The following ABR variants were observed in gnomAD, a reference collection of about 807,000 sequenced individuals.
The protein encoded by ABR is active breakpoint cluster region-related protein.
A neutral mutation model predicts 107.2 loss-of-function variants in ABR; 35 were observed. The ratio of observed to expected loss-of-function variants is 0.33; its 90% CI spans 0.25 to 0.43. ABR has a LOEUF of 0.43. Among genes scored for constraint, ABR ranks in the 20% least tolerant of loss-of-function variants. ABR has a pLI of 1.00. For synonymous variants in ABR, 498 were observed against 462.0 expected, an observed-to-expected ratio of 1.08 and a Z score of -1.00; for missense variants, 815 against 1,115.2, an observed-to-expected ratio of 0.73 and a Z score of 3.83.
rs567309438 is a variant in ABR at position 1,008,524 on chromosome 17, T to A, written c.2342+1155A>T. On this transcript the variant is annotated intron_variant, in intron 21 of 22. Coordinates refer to ENST00000302538, the MANE Select transcript of ABR (RefSeq NM_021962.5). ...TTCCCAGGGTGGAAGCCGAATGAAT[T>A]TTCCCTTCCCACTCCTCCCCACAAG... Among the ~76,000 whole-genome samples, 3 of 152,332 alleles carry A rather than the reference T, an allele frequency of 2.0e-5. No homozygotes were observed. In the East Asian group the frequency reaches 5.8e-4, roughly 29 times the overall value.
At chr17:1,019,190 C>A (rs1361908398) in intron 16 of ABR, among the ~76,000 whole-genome samples, 1 of 152,206 alleles carries the variant, frequency 6.6e-6, no homozygotes, top group Non-Finnish European at 1.5e-5. Flanking sequence ...GCACATCTGA[C>A]CCAGGACTGC....
At chr17:1,021,582 G>A (rs1157991316) in intron 16 of ABR, among the ~76,000 whole-genome samples, 1 of 152,138 alleles carries the variant, frequency 6.6e-6, no homozygotes, top group Non-Finnish European at 1.5e-5. Flanking sequence ...GAGGCGGGCG[G>A]ATCACAAGGT....
rs1378493325 is a variant in ABR, at chr17:1,076,716, G to GA, written c.700+2613_700+2614insT. Among the ~76,000 whole-genome samples, 47 of 99,602 alleles carry GA rather than the reference G, an allele frequency of 4.7e-4. 2 individuals carry two copies. Among genetic ancestry groups the GA allele is most frequent in the African/African-American group, 1.8e-3 (39 of 21,724 alleles). 65.3% of individuals were successfully genotyped at this position (99,602 alleles called of 152,430 possible). ...GGGCGGCCAGGAGGGCAGGTGCACG[G>GA]GGGGGGTGGGGGTGGGGGGGGTGGC... On this transcript the variant is annotated intron_variant, in intron 6 of 22. Coordinates refer to ENST00000302538, the MANE Select transcript of ABR (RefSeq NM_021962.5).
At position 1,196,301 on chromosome 17, in the gene ABR, G is replaced by A. The variant is rs1446075799; in HGVS notation, c.838+32492C>T. On this transcript the variant is annotated intron_variant, in intron 1 of 22. Coordinates refer to the ABR transcript ENST00000574139. ...AAAAATTAGCTGGGCATGGTGGCAC[G>A]TGCCTGTAATCCCAGCTACTCGGGA... Among the ~76,000 whole-genome samples, 4 of 151,774 alleles carry A rather than the reference G, an allele frequency of 2.6e-5. No individual in the cohort carries two copies. In the East Asian group the frequency reaches 5.8e-4, roughly 22 times the overall value.
chr17:1,015,901 T>C (rs976899180), intron 16 of ABR, among the ~76,000 whole-genome samples: 7 of 152,206 alleles, frequency 4.6e-5, no homozygotes, highest in Non-Finnish European at 1.0e-4. Flanking sequence ...AGGCTCAGCA[T>C]CAATTTGGTT....
chr17:1,090,309 C>T (rs960775951), intron 4 of ABR, among the ~76,000 whole-genome samples: 3 of 151,968 alleles, frequency 2.0e-5, no homozygotes, highest in East Asian at 1.9e-4. Context: ...AGCCATTCCT[C>T]GGAGCCTGAC....
intron 13 of ABR, 93 bp downstream of exon 13, chr17:1,056,905 C>T: frequency 1.2e-6 from 1 of 829,818 alleles, no homozygotes. Context: ...CAGCCATTTA[C>T]AGCCACATGT....
intron 1 of ABR, among the ~76,000 whole-genome samples, chr17:1,147,124 T>C (rs2040588392): frequency 6.6e-6 from 1 of 152,228 alleles, no homozygotes; most frequent in Non-Finnish European, 1.5e-5. Context: ...TAAGTGGACA[T>C]GACAAGTATC....
intron 2 of ABR, among the ~76,000 whole-genome samples, chr17:1,108,671 A>C (rs1458128543): frequency 2.6e-5 from 4 of 152,178 alleles, no homozygotes; most frequent in African/African-American, 9.7e-5. Context: ...TCGGGCTGAC[A>C]GGCGCGCCAG....
intron 4 of ABR, chr17:1,083,835 A>T: frequency 1.8e-6 from 1 of 554,750 alleles, no homozygotes; most frequent in Non-Finnish European, 3.3e-6. Context: ...CTCAGCCAAT[A>T]AGGTTAATGA....
chr17:1,021,677 G>A (rs1159156827), intron 16 of ABR, among the ~76,000 whole-genome samples: 11 of 151,968 alleles, frequency 7.2e-5, no homozygotes, highest in Admixed American at 6.6e-5. Flanking sequence ...GGTGGCGGGT[G>A]CCTGTAATCC....
rs369576699 is a variant in ABR at position 1,018,180 on chromosome 17, C to G, written c.1792-5016G>C. Among the ~76,000 whole-genome samples the G allele has an allele frequency of 1.0e-3, 155 of 152,150 alleles. No homozygotes were observed. In the East Asian group the frequency reaches 0.026, roughly 25 times the overall value. ...GCCTCAGCCTCCTGAGTAGCTGGGA[C>G]TACAGGCGCCCGCCACCACCCCCGG... On this transcript the variant is annotated intron_variant, in intron 16 of 22. Transcript: ENST00000302538.
chr17:1,112,526 GT>G (rs1182220462), intron 2 of ABR, among the ~76,000 whole-genome samples: 2 of 149,770 alleles, frequency 1.3e-5, no homozygotes, highest in Non-Finnish European at 1.5e-5. Context: ...GAGCTCAAGA[GT>G]TGGAGGCTGC....
chr17:1,057,396 T>C (rs2033440976), intron 12 of ABR, among the ~76,000 whole-genome samples: 1 of 145,562 alleles, frequency 6.9e-6, no homozygotes, highest in Non-Finnish European at 1.5e-5. Flanking sequence ...GTTTTTTTTT[T>C]AAACGGAGTC....
chr17:1,155,687 C>T (rs889276100), intron 1 of ABR, among the ~76,000 whole-genome samples: 10 of 152,050 alleles, frequency 6.6e-5, no homozygotes, highest in African/African-American at 2.2e-4. Context: ...ACATCTAGGC[C>T]GGCCGCAGTG....
chr17:1,178,489 G>A (rs1053438273), intron 1 of ABR, among the ~76,000 whole-genome samples: 1 of 151,848 alleles, frequency 6.6e-6, no homozygotes, highest in Non-Finnish European at 1.5e-5. Context: ...ACTTGAACCC[G>A]GGAGGCAGAG....
intron 1 of ABR, among the ~76,000 whole-genome samples, chr17:1,165,164 G>A (rs1005972789): frequency 6.6e-6 from 1 of 152,246 alleles, no homozygotes; most frequent in African/African-American, 2.4e-5. Context: ...GGCCTGCAGA[G>A]GTGCCTCCAC....
intron 16 of ABR, among the ~76,000 whole-genome samples, chr17:1,044,893 T>C (rs1567641569): frequency 1.3e-5 from 2 of 152,166 alleles, no homozygotes; most frequent in South Asian, 2.1e-4. Context: ...AGCCTTAGCA[T>C]AGCAATTGCG....
chr17:1,043,532 A>AT (rs1202531458), intron 16 of ABR, among the ~76,000 whole-genome samples: 1 of 151,326 alleles, frequency 6.6e-6, no homozygotes, highest in Non-Finnish European at 1.5e-5. Flanking sequence ...TTTATTTTTT[A>AT]TTTTTTTCAG....
Sources: gnomAD v4.1 joint callset for allele counts (sites outside exome capture counted in the v4.1 genomes callset) on GRCh38, gnomAD v4.1.1 for gene constraint, MANE v1.5 for transcripts, NCBI Gene and HGNC (gene_info 2026-07-23, HGNC 2026-07-21) for gene names.